DPYD: variants seen among roughly 807,000 people sequenced by gnomAD.
DPYD encodes dihydropyrimidine dehydrogenase [NADP(+)].
In DPYD, 109 loss-of-function variants were observed where a neutral mutation model predicts 116.2. The observed-to-expected ratio is 0.94, with a 90% confidence interval of 0.80 to 1.10. DPYD has a LOEUF of 1.10. DPYD is among the 50% of genes least tolerant of loss of function. The pLI, the probability that DPYD is intolerant of heterozygous loss-of-function variation, is 0.00. For synonymous variants in DPYD, 440 were observed against 432.0 expected, an observed-to-expected ratio of 1.02 and a Z score of -0.23; for missense variants, 1,302 against 1,254.5, an observed-to-expected ratio of 1.04 and a Z score of -0.57.
At chr1:97,836,590 A>G (rs542969035) in intron 2 of DPYD, among the ~76,000 whole-genome samples, 2 of 152,286 alleles carry the variant, frequency 1.3e-5, no homozygotes, top group African/African-American at 4.8e-5. Flanking sequence ...GTTGTTTAAA[A>G]AACAATTAAC....
At chr1:97,799,327 T>C (rs959827268) in intron 3 of DPYD, among the ~76,000 whole-genome samples, 1 of 151,994 alleles carries the variant, frequency 6.6e-6, no homozygotes, top group Non-Finnish European at 1.5e-5. Flanking sequence ...TTGGAGTGGC[T>C]TCAGTATTTC....
intron 12 of DPYD, chr1:97,545,588 C>A (rs569521715): frequency 2.8e-5 from 14 of 493,822 alleles, no homozygotes; most frequent in Admixed American, 1.4e-4. Flanking sequence ...ATTAGAGACA[C>A]AAGGGAAGAT....
chr1:97,477,068 T>C (rs1678007815), intron 13 of DPYD, among the ~76,000 whole-genome samples: 1 of 152,168 alleles, frequency 6.6e-6, no homozygotes, highest in Middle Eastern at 3.2e-3. Flanking sequence ...TTGCTGAAGG[T>C]TAGGGTGCCT....
chr1:97,540,767 C>T (rs920819773), intron 12 of DPYD, among the ~76,000 whole-genome samples: 1 of 152,168 alleles, frequency 6.6e-6, no homozygotes, highest in African/African-American at 2.4e-5. Flanking sequence ...CTAGTCCTGC[C>T]TCAGTCCTTC....
At position 97,626,963 on chromosome 1, in the gene DPYD, A is replaced by C. The variant is rs1388649150; in HGVS notation, c.851-31797T>G. Among the ~76,000 whole-genome samples the C allele has an allele frequency of 2.0e-5, 3 of 152,128 alleles. No homozygotes were observed. In the East Asian group the frequency reaches 5.8e-4, roughly 30 times the overall value. On this transcript the variant is annotated intron_variant, in intron 8 of 22. Coordinates refer to ENST00000370192, the MANE Select transcript of DPYD (RefSeq NM_000110.4). ...AAGTGCCATAGACTGCGTGACTTATAAACAGCAGAAACTCATGTCTCATAG... is the reference window on the plus strand; with the variant it reads ...AAGTGCCATAGACTGCGTGACTTATCAACAGCAGAAACTCATGTCTCATAG...
chr1:97,551,345 CA>C lies in DPYD; in HGVS notation c.1340-1602del, dbSNP rs572102417. On this transcript the variant is annotated intron_variant, in intron 11 of 22. Coordinates refer to ENST00000370192, the MANE Select transcript of DPYD (RefSeq NM_000110.4). ...ACAGATCATCACTACCATCTGTTGA[CA>C]GTTACTTGAGTTGCAAGAAAGTCAA... Among the ~76,000 whole-genome samples the C allele has an allele frequency of 1.8e-4, 28 of 152,208 alleles. 2 individuals are homozygous for C. The South Asian group carries it at 4.1e-3, about 23-fold the overall frequency.
chr1:97,238,546 A>G (rs1250615950), intron 18 of DPYD, among the ~76,000 whole-genome samples: 1 of 152,192 alleles, frequency 6.6e-6, no homozygotes, highest in Non-Finnish European at 1.5e-5. Context: ...TCAAGATAAA[A>G]ATAAAACTGT....
At chr1:97,671,273 A>G (rs1339445232) in intron 8 of DPYD, among the ~76,000 whole-genome samples, 2 of 152,124 alleles carry the variant, frequency 1.3e-5, no homozygotes, top group Admixed American at 6.5e-5. Context: ...AGAAAAAGCC[A>G]TGATTTTAAA....
At chr1:97,133,814 A>G (rs1653512918) in intron 20 of DPYD, among the ~76,000 whole-genome samples, 1 of 151,276 alleles carries the variant, frequency 6.6e-6, no homozygotes, top group African/African-American at 2.4e-5. Flanking sequence ...CCTGGCCAAC[A>G]TGGTGAAATC....
At chr1:97,337,366 G>A (rs1480236644) in intron 16 of DPYD, among the ~76,000 whole-genome samples, 1 of 152,176 alleles carries the variant, frequency 6.6e-6, no homozygotes, top group Non-Finnish European at 1.5e-5. Context: ...TCAGAGCTGG[G>A]AGGAAGCAGA....
chr1:97,899,603 G>A (rs1673260989), intron 1 of DPYD, among the ~76,000 whole-genome samples: 1 of 151,830 alleles, frequency 6.6e-6, no homozygotes, highest in South Asian at 2.1e-4. Context: ...CACCTTGAGT[G>A]TATGCAGAAT....
At chr1:97,595,947 G>C (rs1654848495) in intron 8 of DPYD, among the ~76,000 whole-genome samples, 1 of 151,964 alleles carries the variant, frequency 6.6e-6, no homozygotes, top group Non-Finnish European at 1.5e-5. Context: ...GGGTAGACAT[G>C]GAACTTGTCA....
intron 14 of DPYD, among the ~76,000 whole-genome samples, chr1:97,447,201 T>C (rs924515071): frequency 1.3e-5 from 2 of 152,240 alleles, no homozygotes; most frequent in South Asian, 2.1e-4. Flanking sequence ...TCAGAAAAGT[T>C]AGCTTTTGCT....
intron 13 of DPYD, among the ~76,000 whole-genome samples, chr1:97,479,204 G>A (rs1678164751): frequency 6.6e-6 from 1 of 152,170 alleles, no homozygotes; most frequent in African/African-American, 2.4e-5. Context: ...TGGTGCAAGA[G>A]GCCTAGATTT....
At chr1:97,333,177 G>T (rs1361368897) in intron 16 of DPYD, among the ~76,000 whole-genome samples, 1 of 150,632 alleles carries the variant, frequency 6.6e-6, no homozygotes, top group Admixed American at 6.6e-5. Context: ...CCTGTCTCAG[G>T]CTCCCAAGTA....
intron 4 of DPYD, among the ~76,000 whole-genome samples, chr1:97,738,395 A>G (rs1664080759): frequency 6.6e-6 from 1 of 152,172 alleles, no homozygotes; most frequent in Non-Finnish European, 1.5e-5. Flanking sequence ...TTTGTAAGAA[A>G]ATAAAGAATG....
At chr1:97,743,835 C>T (rs1199261144) in intron 3 of DPYD, among the ~76,000 whole-genome samples, 1 of 151,988 alleles carries the variant, frequency 6.6e-6, no homozygotes, top group Non-Finnish European at 1.5e-5. Flanking sequence ...TCCCCTTTTA[C>T]CTTTCAAAGT....
At chr1:97,148,251 TGTG>T (rs1440635797) in intron 20 of DPYD, among the ~76,000 whole-genome samples, 6 of 74,406 alleles carry the variant, frequency 8.1e-5, no homozygotes, top group Non-Finnish European at 8.1e-5. Context: ...TGTGTGTGTG[TGTG>T]GGGGGGGTGT....
chr1:97,278,741 G>T (rs1327421741), intron 18 of DPYD, among the ~76,000 whole-genome samples: 1 of 152,086 alleles, frequency 6.6e-6, no homozygotes, highest in African/African-American at 2.4e-5. Context: ...TGATGCAAAG[G>T]GCTAGAGAAA....
Sources: allele counts gnomAD v4.1 joint callset (sites outside exome capture counted in the v4.1 genomes callset), GRCh38; gene constraint gnomAD v4.1.1; transcripts MANE v1.5; gene names NCBI Gene and HGNC (gene_info 2026-07-23, HGNC 2026-07-21).